The following ZFPM1 variants were observed in gnomAD, a reference collection of about 807,000 sequenced individuals.
The protein encoded by ZFPM1 is zinc finger protein, FOG family member 1.
A neutral mutation model predicts 46.3 loss-of-function variants in ZFPM1; 28 were observed. The ratio of observed to expected loss-of-function variants is 0.60; its 90% CI spans 0.45 to 0.83. The LOEUF is 0.83. Ranked by LOEUF, ZFPM1 falls within the 40% of genes least tolerant of loss-of-function variation. The pLI is 0.00. For synonymous variants in ZFPM1, 957 were observed against 675.9 expected, an observed-to-expected ratio of 1.42 and a Z score of -6.45; for missense variants, 1,878 against 1,432.4, an observed-to-expected ratio of 1.31 and a Z score of -5.02.
chr16:88,493,523 G>GGAGCTGTCCCGGGGTGGGGA (rs780360291), intron 3 of ZFPM1, among the ~76,000 whole-genome samples: 25 of 111,638 alleles, frequency 2.2e-4, no homozygotes, highest in Non-Finnish European at 1.8e-5. Context: ...CAGGGTGCGG[G>GGAGCTGTCCCGGGGTGGGGA]GAGCTGTCCC....
At position 88,534,520 on chromosome 16, in the gene ZFPM1, C is replaced by T. The variant is rs1158583558; in HGVS notation, c.2562C>T (p.Ala854=). The part of the protein sequence containing the change: ...PPPGALGLPA[A]ACPYCPPNGP... ...CCGGCGCGCTCGGCCTGCCCGCCGC[C>T]GCCTGCCCCTACTGCCCCCCGAACG... is the stretch of plus-strand genomic sequence containing the variant. Residue 854 remains alanine (A), a synonymous_variant, in exon 10 of 10, where the codon GCC becomes GCT. Coordinates refer to ENST00000319555, the MANE Select transcript of ZFPM1 (RefSeq NM_153813.3). 1.7e-5 allele frequency: 24 copies of T among 1,437,502 alleles called. No individual in the cohort carries two copies. The highest frequency in any genetic ancestry group is 2.1e-5 in the Non-Finnish European group (23 of 1,098,290). 89.0% of individuals were successfully genotyped at this position (1,437,502 alleles called of 1,614,324 possible).
intron 2 of ZFPM1, 113 bp from the exon 3 acceptor site, chr16:88,488,918 G>A (rs990498238): frequency 5.4e-6 from 8 of 1,477,462 alleles, no homozygotes; most frequent in East Asian, 2.4e-5. Flanking sequence ...GTGGCTCTGG[G>A]CCCGAGCTCC....
At position 88,533,482 on chromosome 16, in the gene ZFPM1, G is replaced by T; in HGVS notation, c.1524G>T (p.Thr508=). ...TCAAGGCCGAGCTGTCCAGCCCCACGCCGGGCTCCAGCCCGGTGCCCGGCG... is the reference window on the plus strand; with the variant it reads ...TCAAGGCCGAGCTGTCCAGCCCCACTCCGGGCTCCAGCCCGGTGCCCGGCG... ...ARVKAELSSP[T]PGSSPVPGEL... The change falls in exon 10 of 10, where the codon ACG becomes ACT. Residue 508 remains threonine, a synonymous_variant. Coordinates refer to ENST00000319555, the MANE Select transcript of ZFPM1 (RefSeq NM_153813.3). The T allele has an allele frequency of 7.1e-7, 1 of 1,403,448 alleles. No homozygotes were observed. The highest frequency in any genetic ancestry group is 9.2e-7 in the Non-Finnish European group (1 of 1,085,742). The allele number at this position is 1,403,448 out of a possible 1,614,324, so 86.9% of individuals were successfully genotyped here. A position where few individuals can be genotyped will look rare whatever the true frequency, so the allele number is the denominator to read the frequency against.
At chr16:88,528,598 C>T (rs1036628242) in intron 6 of ZFPM1, among the ~76,000 whole-genome samples, 7 of 152,220 alleles carry the variant, frequency 4.6e-5, no homozygotes, top group African/African-American at 7.2e-5. Flanking sequence ...GCCCTCCTGG[C>T]GTCTGGGGCC....
chr16:88,535,269 G>A lies in ZFPM1; in HGVS notation c.*290G>A. The A allele has an allele frequency of 3.8e-6, 1 of 262,336 alleles. No homozygotes were observed. The highest frequency in any genetic ancestry group is 7.2e-6 in the Non-Finnish European group (1 of 138,852). 16.3% of individuals were successfully genotyped at this position (262,336 alleles called of 1,614,324 possible). On this transcript the variant is annotated 3_prime_UTR_variant, in exon 10 of 10. Transcript: ENST00000319555. ...GGCCACTGCGGCCCGGAGTGGCTGG[G>A]CCCCTGCCGGAGTTACACCACTGGG...
Position 88,532,251 on chromosome 16 carries a change from G to GGACGC in ZFPM1, c.946+18_946+22dup, listed in dbSNP as rs1567556351. On this transcript the variant is annotated intron_variant, in intron 7 of 9. Transcript: ENST00000319555. ...AGCCACAGCGGTGAGCCCCCACCCC[G>GGACGC]GACGCGGGTCCTCAGGATGCCGGCT... The GGACGC allele has an allele frequency of 6.3e-7, 1 of 1,574,956 alleles. No homozygotes were observed. The highest frequency in any genetic ancestry group is 8.6e-7 in the Non-Finnish European group (1 of 1,157,336).
rs577988554 is a variant in ZFPM1, at chr16:88,469,648, G to A, written c.40+15970G>A. On this transcript the variant is annotated intron_variant, in intron 1 of 9. Transcript: ENST00000319555. The surrounding 1 kb of genome is among the most constrained non-coding windows in gnomAD (Gnocchi z 4.3). ...GCAAGACCAGGATGAGGCAGGCTCCGCCGGCCTGAGACCTGGCTGGAGGCC... is the reference window on the plus strand; with the variant it reads ...GCAAGACCAGGATGAGGCAGGCTCCACCGGCCTGAGACCTGGCTGGAGGCC... Among the ~76,000 whole-genome samples the A allele has an allele frequency of 2.6e-5, 4 of 152,220 alleles. No homozygotes were observed. Among genetic ancestry groups the A allele is most frequent in the South Asian group, 2.1e-4 (1 of 4,830 alleles).
intron 4 of ZFPM1, among the ~76,000 whole-genome samples, chr16:88,519,763 T>TG (rs1911678337): frequency 1.5e-5 from 1 of 64,842 alleles, no homozygotes. Context: ...GACAGATGGA[T>TG]GGTGGGTGGA....
rs551136631 is a variant in ZFPM1 at position 88,499,265 on chromosome 16, C to T, written c.268+10112C>T. On this transcript the variant is annotated intron_variant, in intron 3 of 9. Coordinates refer to ENST00000319555, the MANE Select transcript of ZFPM1 (RefSeq NM_153813.3). ...GGCCTCGAAGTCCCGAAATCGCAGG[C>T]AGAGCCGGCACTCACTCACTCCCTT... Among the ~76,000 whole-genome samples, 370 of 152,364 alleles carry T rather than the reference C, an allele frequency of 2.4e-3. 1 individual carries two copies. The highest frequency in any genetic ancestry group is 8.5e-3 in the African/African-American group (354 of 41,578).
chr16:88,492,444 C>T (rs960467768), intron 3 of ZFPM1, among the ~76,000 whole-genome samples: 11 of 152,144 alleles, frequency 7.2e-5, no homozygotes, highest in African/African-American at 2.4e-4. Flanking sequence ...AGCACCAGCT[C>T]GGACCAAGGG....
intron 1 of ZFPM1, among the ~76,000 whole-genome samples, chr16:88,463,657 G>A (rs1035205981): frequency 6.6e-6 from 1 of 152,264 alleles, no homozygotes; most frequent in Non-Finnish European, 1.5e-5. Flanking sequence ...TGAGCTCCTA[G>A]ATCTGGGCGG....
At chr16:88,491,573 T>C (rs1909577090) in intron 3 of ZFPM1, among the ~76,000 whole-genome samples, 1 of 152,166 alleles carries the variant, frequency 6.6e-6, no homozygotes, top group East Asian at 1.9e-4. Context: ...TGTCCATCCC[T>C]GCGGTGTTGA....
intron 2 of ZFPM1, among the ~76,000 whole-genome samples, chr16:88,486,752 G>C (rs1362759888): frequency 6.7e-6 from 1 of 149,390 alleles, no homozygotes; most frequent in East Asian, 2.0e-4. Flanking sequence ...GATGGGTGCT[G>C]GGTGCACAGT....
intron 3 of ZFPM1, among the ~76,000 whole-genome samples, chr16:88,511,456 T>A (rs1375826473): frequency 6.6e-6 from 1 of 151,912 alleles, no homozygotes; most frequent in Non-Finnish European, 1.5e-5. Flanking sequence ...AGAGGCCATT[T>A]AAAAAAACAA....
chr16:88,504,407 C>T (rs2092056194), intron 3 of ZFPM1, among the ~76,000 whole-genome samples: 1 of 152,112 alleles, frequency 6.6e-6, no homozygotes, highest in African/African-American at 2.4e-5. Context: ...GGAGGCAAAT[C>T]AGCTCCCTCT....
At chr16:88,525,858 A>G (rs941508899) in intron 4 of ZFPM1, among the ~76,000 whole-genome samples, 1 of 152,162 alleles carries the variant, frequency 6.6e-6, no homozygotes, top group East Asian at 1.9e-4. Context: ...GCCGGGGTGC[A>G]ATGGATGCAG....
At chr16:88,477,550 T>A (rs1908743564) in intron 1 of ZFPM1, among the ~76,000 whole-genome samples, 1 of 152,108 alleles carries the variant, frequency 6.6e-6, no homozygotes, top group Non-Finnish European at 1.5e-5. Flanking sequence ...ATTGCTTCAG[T>A]CCAGCATGGT....
intron 3 of ZFPM1, among the ~76,000 whole-genome samples, chr16:88,509,262 C>T (rs188269503): frequency 6.6e-4 from 100 of 152,366 alleles, no homozygotes; most frequent in African/African-American, 2.2e-3. Flanking sequence ...ACAGCATGAT[C>T]CCTGAGACAG....
chr16:88,519,437 A>G, intron 4 of ZFPM1, among the ~76,000 whole-genome samples: 1 of 146,832 alleles, frequency 6.8e-6, no homozygotes. Context: ...GGATGGATGG[A>G]TAGATGCATG....
Sources: allele counts gnomAD v4.1 joint callset (sites outside exome capture counted in the v4.1 genomes callset), GRCh38; gene constraint gnomAD v4.1.1; non-coding constraint Gnocchi (gnomAD v3.1); transcripts MANE v1.5; gene names NCBI Gene and HGNC (gene_info 2026-07-23, HGNC 2026-07-21).